SPIRE1: variants seen among roughly 807,000 people sequenced by gnomAD.
SPIRE1 encodes protein spire homolog 1.
Under a neutral mutation model 94.1 loss-of-function variants are expected in SPIRE1, and 40 were observed. That is an observed-to-expected ratio of 0.43 (90% CI 0.33 to 0.55). The LOEUF is 0.55. Among genes scored for constraint, SPIRE1 ranks in the 20% least tolerant of loss-of-function variants. The pLI, the probability that SPIRE1 is intolerant of heterozygous loss-of-function variation, is 0.06. For synonymous variants in SPIRE1, 376 were observed against 371.7 expected (o/e 1.01, Z -0.13); for missense variants, 838 against 975.2 (o/e 0.86, Z 1.87).
intron 2 of SPIRE1, among the ~76,000 whole-genome samples, chr18:12,579,753 A>G (rs997254444): frequency 6.6e-6 from 1 of 152,188 alleles, no homozygotes; most frequent in African/African-American, 2.4e-5. Context: ...TCCAAAACAA[A>G]ATAAAGGTCC....
chr18:12,624,425 C>T (rs900207514), intron 2 of SPIRE1, among the ~76,000 whole-genome samples: 17 of 151,412 alleles, frequency 1.1e-4, no homozygotes, highest in African/African-American at 3.4e-4. Context: ...TGCCTGTAGT[C>T]CCAGCTACTC....
chr18:12,493,450 A>G (rs1473478815), intron 7 of SPIRE1, among the ~76,000 whole-genome samples: 2 of 152,212 alleles, frequency 1.3e-5, no homozygotes, highest in Non-Finnish European at 2.9e-5. Flanking sequence ...TCTGTTGCCC[A>G]GGCTGGAGTG....
intron 5 of SPIRE1, among the ~76,000 whole-genome samples, 172 bp downstream of exon 5, chr18:12,512,282 T>C (rs531715182): frequency 1.0e-3 from 157 of 152,110 alleles, no homozygotes; most frequent in Non-Finnish European, 1.7e-3. Flanking sequence ...GAGAATCACT[T>C]GAACCCAGGA....
At chr18:12,589,025 TAGAA>T (rs572322199) in intron 2 of SPIRE1, among the ~76,000 whole-genome samples, 7 of 152,260 alleles carry the variant, frequency 4.6e-5, no homozygotes, top group Admixed American at 3.3e-4. Flanking sequence ...CATACAGAGA[TAGAA>T]AGAATTTTTA....
In SPIRE1 at chr18:12,648,071, C is replaced by T. The variant is rs186139634; in HGVS notation, c.337+9459G>A. ...AGTACAAAATACATGTCAATCCAGA[C>T]TGATATAAACAAATGATTGAATATA... On this transcript the variant is annotated intron_variant, in intron 1 of 16. Coordinates refer to ENST00000409402, the MANE Select transcript of SPIRE1 (RefSeq NM_001128626.2). Among the ~76,000 whole-genome samples, 183 of 152,224 alleles carry T rather than the reference C, an allele frequency of 1.2e-3. 2 individuals carry two copies. Among genetic ancestry groups the T allele is most frequent in the Admixed American group, 3.5e-3 (53 of 15,282 alleles).
chr18:12,465,727 T>A (rs563429032), intron 10 of SPIRE1, among the ~76,000 whole-genome samples: 9 of 152,048 alleles, frequency 5.9e-5, no homozygotes, highest in Admixed American at 5.2e-4. Context: ...AAGTAATGAG[T>A]GTTTGTTGAA....
chr18:12,503,117 A>AG (rs752483302), intron 6 of SPIRE1, among the ~76,000 whole-genome samples: 2 of 124,926 alleles, frequency 1.6e-5, no homozygotes, highest in Non-Finnish European at 3.1e-5. Flanking sequence ...TCAAAAAAAA[A>AG]GAAAAAAAAA....
chr18:12,609,091 G>C lies in SPIRE1; in HGVS notation c.372+25971C>G, dbSNP rs149702020. On this transcript the variant is annotated intron_variant, in intron 2 of 16. Coordinates refer to ENST00000409402, the MANE Select transcript of SPIRE1 (RefSeq NM_001128626.2). ...GCACGCACAGTTCACAATAGGGTTC[G>C]AGCTTCTATGAGAATCTAATGCCAC... Among the ~76,000 whole-genome samples the C allele has an allele frequency of 4.6e-4, 70 of 152,228 alleles. 1 individual carries two copies. The highest frequency in any genetic ancestry group is 1.4e-3 in the African/African-American group (60 of 41,540).
chr18:12,637,148 A>G (rs1262924774), intron 1 of SPIRE1, among the ~76,000 whole-genome samples: 1 of 152,174 alleles, frequency 6.6e-6, no homozygotes, highest in East Asian at 1.9e-4. Flanking sequence ...TCATGAGGTC[A>G]GGAGATTGAG....
chr18:12,612,114 G>T (rs929508904), intron 2 of SPIRE1, among the ~76,000 whole-genome samples: 9 of 151,772 alleles, frequency 5.9e-5, no homozygotes, highest in South Asian at 2.1e-4. Flanking sequence ...TTGCCCTCAC[G>T]CTACCCAGCT....
chr18:12,615,345 A>AAAAAAAAAAAAAAATAT, intron 2 of SPIRE1, among the ~76,000 whole-genome samples: 8 of 17,236 alleles, frequency 4.6e-4, no homozygotes, highest in African/African-American at 5.9e-4. Context: ...AAAAAAAAAA[A>AAAAAAAAAAAAAAATAT]ATATATATAT....
At chr18:12,638,845 C>T (rs1369446000) in intron 1 of SPIRE1, among the ~76,000 whole-genome samples, 1 of 152,152 alleles carries the variant, frequency 6.6e-6, no homozygotes, top group Non-Finnish European at 1.5e-5. Flanking sequence ...CCATCCAGGA[C>T]GTGCTGGCTT....
intron 11 of SPIRE1, among the ~76,000 whole-genome samples, chr18:12,464,213 T>TG (rs1232988596): frequency 6.6e-6 from 1 of 152,156 alleles, no homozygotes; most frequent in African/African-American, 2.4e-5. Context: ...CAAGAAAAGA[T>TG]ACAGAAATCC....
chr18:12,496,520 G>A (rs549527979), intron 6 of SPIRE1, among the ~76,000 whole-genome samples: 129 of 152,218 alleles, frequency 8.5e-4, no homozygotes, highest in Admixed American at 1.4e-3. Context: ...GAACCCCTGA[G>A]GTAGGGAGTT....
chr18:12,563,787 T>G (rs1785314), intron 2 of SPIRE1, among the ~76,000 whole-genome samples: 2,989 of 152,222 alleles, frequency 0.02, 84 homozygotes, highest in African/African-American at 0.068. Context: ...AATATAAAAT[T>G]ATTTAAAAAC....
rs759172967 is a variant in SPIRE1, at chr18:12,449,744, A to G, written c.2165T>C (p.Leu722Ser). 3 of 1,614,160 alleles carry G rather than the reference A, an allele frequency of 1.9e-6. No homozygotes were observed. The South Asian group carries it at 3.3e-5, about 18-fold the overall frequency. Residue 722 changes from leucine to serine, a missense_variant, in exon 17 of 17, where the codon TTG becomes TCG. Coordinates refer to ENST00000409402, the MANE Select transcript of SPIRE1 (RefSeq NM_001128626.2). ...IISSSRRSLVLANKRARLKRK... is the reference protein window; with the variant it reads ...IISSSRRSLVSANKRARLKRK... ...TTTCAATCGGGCCCTTTTGTTGGCC[A>G]ACACCAGACTGCGCCGGCTTGAACT...
chr18:12,575,257 A>C (rs2036063138), intron 2 of SPIRE1, among the ~76,000 whole-genome samples: 1 of 152,216 alleles, frequency 6.6e-6, no homozygotes, highest in Admixed American at 6.5e-5. Context: ...CTAGATCCTC[A>C]AAAATGGCTA....
chr18:12,476,931 C>T (rs2032626862), intron 10 of SPIRE1, among the ~76,000 whole-genome samples: 1 of 152,048 alleles, frequency 6.6e-6, no homozygotes, highest in African/African-American at 2.4e-5. Context: ...TAGCTAGTGA[C>T]AAAAGTCAGA....
intron 2 of SPIRE1, among the ~76,000 whole-genome samples, chr18:12,621,645 T>C (rs2041379712): frequency 1.3e-5 from 2 of 152,190 alleles, no homozygotes; most frequent in South Asian, 4.1e-4. Context: ...GCATATGCAA[T>C]GTCCAGAATA....
Sources: allele counts gnomAD v4.1 joint callset (sites outside exome capture counted in the v4.1 genomes callset), GRCh38; gene constraint gnomAD v4.1.1; transcripts MANE v1.5; gene names NCBI Gene and HGNC (gene_info 2026-07-23, HGNC 2026-07-21).